The following ZEB1 variants were observed in gnomAD, a reference collection of about 807,000 sequenced individuals.
ZEB1 encodes zinc finger E-box binding homeobox 1.
A neutral mutation model predicts 84.9 loss-of-function variants in ZEB1; 21 were observed. That is an observed-to-expected ratio of 0.25 (90% CI 0.18 to 0.36). ZEB1 has a LOEUF of 0.36. ZEB1 is among the 10% of genes least tolerant of loss of function. ZEB1 has a pLI of 1.00. For missense variants in ZEB1, 1,104 were observed against 1,330.2 expected (o/e 0.83, Z 2.65); for synonymous variants, 420 against 471.1 (o/e 0.89, Z 1.41).
At chr10:31,319,620 G>C in intron 1 of ZEB1, 1 of 344,764 alleles carries the variant, frequency 2.9e-6, no homozygotes. Context: ...CGGCCGGGAC[G>C]CACTGGCCAC....
At chr10:31,417,075 A>G (rs959388828) in intron 1 of ZEB1, among the ~76,000 whole-genome samples, 16 of 152,232 alleles carry the variant, frequency 1.1e-4, no homozygotes, top group Admixed American at 2.0e-4. Flanking sequence ...ACCTTTGAGG[A>G]CCTACAATGT....
At chr10:31,341,488 G>A (rs2039355138) in intron 1 of ZEB1, among the ~76,000 whole-genome samples, 1 of 152,160 alleles carries the variant, frequency 6.6e-6, no homozygotes. Context: ...ACGGAAGTCA[G>A]TTTTGGATAT....
chr10:31,373,718 G>A (rs1426409103), intron 1 of ZEB1, among the ~76,000 whole-genome samples: 1 of 151,466 alleles, frequency 6.6e-6, no homozygotes, highest in South Asian at 2.1e-4. Flanking sequence ...ATACTTTGGC[G>A]GAAACTATTA....
At chr10:31,419,194 T>A (rs2135992995) in intron 1 of ZEB1, among the ~76,000 whole-genome samples, 1 of 152,210 alleles carries the variant, frequency 6.6e-6, no homozygotes, top group East Asian at 1.9e-4. Context: ...GAAATGACAT[T>A]TAGATAGAAA....
chr10:31,426,374 A>G (rs917687543), intron 1 of ZEB1, among the ~76,000 whole-genome samples: 2 of 152,128 alleles, frequency 1.3e-5, no homozygotes, highest in African/African-American at 2.4e-5. Flanking sequence ...TGGGGAAAAG[A>G]GGACAGTTTA....
At chr10:31,364,376 G>T (rs981923487) in intron 1 of ZEB1, among the ~76,000 whole-genome samples, 4 of 152,226 alleles carry the variant, frequency 2.6e-5, no homozygotes, top group Admixed American at 2.6e-4. Context: ...ATCCGCCAGA[G>T]CCCTTCCACC....
chr10:31,452,872 A>C (rs1321291331), intron 1 of ZEB1, among the ~76,000 whole-genome samples: 3 of 151,998 alleles, frequency 2.0e-5, no homozygotes, highest in African/African-American at 7.2e-5. Flanking sequence ...TTCATGCCTA[A>C]ATTTGTGGTG....
rs74817972 is a variant in ZEB1 at position 31,510,990 on chromosome 10, A to G, written c.687+115A>G. On this transcript the variant is annotated intron_variant, in intron 5 of 8. Coordinates refer to ENST00000424869, the MANE Select transcript of ZEB1 (RefSeq NM_001174096.2). ...TTAAAAGAATGTACTAAACAGTGCT[A>G]TATCTGCAGCCTTATAAAAGTGAAA... is the stretch of plus-strand genomic sequence containing the variant. The G allele has an allele frequency of 1.6e-3, 1,527 of 967,842 alleles. 15 individuals are homozygous for G. In the African/African-American group the frequency reaches 0.022, roughly 14 times the overall value. The allele number at this position is 967,842 out of a possible 1,614,324, so 60.0% of individuals were successfully genotyped here.
chr10:31,380,228 A>G (rs1421235452), intron 1 of ZEB1, among the ~76,000 whole-genome samples: 1 of 152,016 alleles, frequency 6.6e-6, no homozygotes, highest in Non-Finnish European at 1.5e-5. Flanking sequence ...AAACTGGGTA[A>G]ACTATCCTGT....
intron 4 of ZEB1, among the ~76,000 whole-genome samples, chr10:31,506,885 G>A (rs986274095): frequency 1.3e-5 from 2 of 151,918 alleles, no homozygotes; most frequent in Non-Finnish European, 2.9e-5. Context: ...GGTAACATTT[G>A]AGTTCTTTCT....
At chr10:31,475,228 A>C (rs2063948111) in intron 2 of ZEB1, among the ~76,000 whole-genome samples, 1 of 151,926 alleles carries the variant, frequency 6.6e-6, no homozygotes, top group Non-Finnish European at 1.5e-5. Flanking sequence ...GAAAAAAAAA[A>C]ACAAATTAAC....
At chr10:31,363,187 C>A in intron 1 of ZEB1, 1 of 1,534,040 alleles carries the variant, frequency 6.5e-7, no homozygotes, top group Non-Finnish European at 8.7e-7. Flanking sequence ...GCCTGGAGAG[C>A]TGGGCAGGTG....
chr10:31,520,352 A>G lies in ZEB1; in HGVS notation c.1020A>G (p.Glu340=). The G allele has an allele frequency of 6.2e-7, 1 of 1,613,952 alleles. No homozygotes were observed. Among genetic ancestry groups the G allele is most frequent in the Non-Finnish European group, 8.5e-7 (1 of 1,179,924 alleles). ...AGATAGAGAATAAACCCCTTCAAGA[A>G]CAACTTTCTGTTAACCAAATTAAAA... ...RQKIENKPLQ[E]QLSVNQIKTE... Residue 340 remains glutamate (E), a synonymous_variant, in exon 7 of 9, where the codon GAA becomes GAG. Transcript: ENST00000424869. The surrounding 1 kb of genome is among the most constrained non-coding windows in gnomAD (Gnocchi z 5.1).
intron 1 of ZEB1, 60 bp downstream of exon 1, chr10:31,319,352 C>T (rs1249474843): frequency 2.6e-6 from 4 of 1,544,212 alleles, no homozygotes; most frequent in Non-Finnish European, 3.5e-6. Flanking sequence ...AGCCGGGGCG[C>T]CCCCGGGGGT....
chr10:31,477,279 C>G (rs1396959680), intron 2 of ZEB1, among the ~76,000 whole-genome samples: 4 of 151,974 alleles, frequency 2.6e-5, no homozygotes, highest in African/African-American at 9.7e-5. Context: ...AAATCACGAA[C>G]TCTATCCCAT....
intron 1 of ZEB1, chr10:31,374,856 A>G (rs1187119592): frequency 6.6e-6 from 1 of 151,794 alleles, no homozygotes; most frequent in Admixed American, 6.6e-5. Context: ...TTACGTGAGA[A>G]TTTCACTTAC....
chr10:31,514,069 A>C (rs1237564852), intron 5 of ZEB1, among the ~76,000 whole-genome samples: 1 of 152,160 alleles, frequency 6.6e-6, no homozygotes, highest in Non-Finnish European at 1.5e-5. Flanking sequence ...AAAAACTGGA[A>C]GTATTTTTTT....
At chr10:31,394,203 T>C (rs1259975551) in intron 1 of ZEB1, among the ~76,000 whole-genome samples, 7 of 152,236 alleles carry the variant, frequency 4.6e-5, no homozygotes, top group Non-Finnish European at 8.8e-5. Flanking sequence ...TGTTTTGAGC[T>C]AAGGGCACAG....
chr10:31,439,659 A>G (rs1331266479), intron 1 of ZEB1, among the ~76,000 whole-genome samples: 1 of 149,210 alleles, frequency 6.7e-6, no homozygotes, highest in African/African-American at 2.5e-5. Flanking sequence ...GAGGGAGAAT[A>G]GGGAGTGCAA....
Sources: allele counts gnomAD v4.1 joint callset (sites outside exome capture counted in the v4.1 genomes callset), GRCh38; gene constraint gnomAD v4.1.1; non-coding constraint Gnocchi (gnomAD v3.1); transcripts MANE v1.5; gene names NCBI Gene and HGNC (gene_info 2026-07-23, HGNC 2026-07-21).